HPS5: variants seen among roughly 807,000 people sequenced by gnomAD.
HPS5 encodes the protein BLOC-2 complex member HPS5.
Under a neutral mutation model 128.0 loss-of-function variants are expected in HPS5, and 83 were observed. That is an observed-to-expected ratio of 0.65 (90% CI 0.54 to 0.78). The LOEUF is 0.78. Among genes scored for constraint, HPS5 ranks in the 30% least tolerant of loss-of-function variants. HPS5 has a pLI of 0.00. For missense variants in HPS5, 1,281 were observed against 1,326.2 expected (o/e 0.97, Z 0.53); for synonymous variants, 475 against 470.2 (o/e 1.01, Z -0.13).
In HPS5 at chr11:18,305,087, T is replaced by C. The variant is rs556138761; in HGVS notation, c.896+335A>G. On this transcript the variant is annotated intron_variant, in intron 8 of 22. Coordinates refer to ENST00000349215, the MANE Select transcript of HPS5 (RefSeq NM_181507.2). ...CCTGCTTGCTAAAAACACATACATC[T>C]GTGTGGCAGATTTTGATCTGGGACT... is the stretch of plus-strand genomic sequence containing the variant. 2.0e-5 allele frequency among the ~76,000 whole-genome samples: 3 copies of C among 152,366 alleles called. 1 individual carries two copies. The South Asian group carries it at 6.2e-4, about 32-fold the overall frequency.
chr11:18,285,154 A>T (rs1223135304), intron 20 of HPS5, among the ~76,000 whole-genome samples, 192 bp downstream of exon 20: 1 of 152,028 alleles, frequency 6.6e-6, no homozygotes, highest in African/African-American at 2.4e-5. Flanking sequence ...AAAAAAAAAA[A>T]AAAAGAAAAA....
At position 18,287,645 on chromosome 11, in the gene HPS5, CTTGA is replaced by C. The variant is rs753927729; in HGVS notation, c.2603_2606del (p.Ile868SerfsTer26). 2.5e-6 allele frequency: 4 copies of C among 1,614,030 alleles called. No homozygotes were observed. The East Asian group carries it at 6.7e-5, about 27-fold the overall frequency. ...CCGATGGCAAAATGGATGGAAAGAA[CTTGA>C]TTAAGGATCGAAGAGCAGACTCCCC... On this transcript the variant is annotated frameshift_variant, in exon 18 of 23. Transcript: ENST00000349215. LOFTEE classifies it high-confidence loss of function.
chr11:18,287,465 C>A (rs1206399969), intron 18 of HPS5, 70 bp downstream of exon 18: 2 of 1,533,442 alleles, frequency 1.3e-6, no homozygotes, highest in South Asian at 1.1e-5. Context: ...CAATGTGACA[C>A]CTGCTTATAA....
chr11:18,298,689 AC>A, intron 10 of HPS5, 102 bp downstream of exon 10: 1 of 1,128,610 alleles, frequency 8.9e-7, no homozygotes, highest in Non-Finnish European at 1.3e-6. Context: ...TGTAGGTCAC[AC>A]AGACAGGGTT....
In HPS5 at chr11:18,286,649, C is replaced by T; in HGVS notation, c.2779G>A (p.Ala927Thr). 1 of 1,613,984 alleles carries T rather than the reference C, an allele frequency of 6.2e-7. No individual in the cohort carries two copies. The highest frequency in any genetic ancestry group is 2.2e-5 in the East Asian group (1 of 44,882). Residue 927 changes from alanine (A) to threonine (T), a missense_variant, in exon 19 of 23, where the codon GCA becomes ACA. By Grantham distance (58) the Ala-to-Thr change is moderately conservative. Transcript: ENST00000349215. ...ESLRLDWLLL[A>T]VSLDAPPSTS... Reference sequence around the variant, plus strand: ...CTTGGTGGAGCATCAAGGGACACTGCCAAAAGCAGCCAATCCAACCTTAAA... The same window carrying T: ...CTTGGTGGAGCATCAAGGGACACTGTCAAAAGCAGCCAATCCAACCTTAAA...
rs1488691820 is a variant in HPS5, at chr11:18,291,900, T to C, written c.1982A>G (p.Asp661Gly). Residue 661 changes from aspartate (D) to glycine (G), a missense_variant, in exon 16 of 23, where the codon GAT (aspartate) becomes GGT (glycine). By Grantham distance (94) the Asp-to-Gly change is moderately conservative. Transcript: ENST00000349215. ...FAMKDFSGVSDTDNSSMKLNQ... is the reference protein window; with the variant it reads ...FAMKDFSGVSGTDNSSMKLNQ... ...CAATTTCATGGATGAGTTGTCAGTA[T>C]CTGAAACACCTGAAAAGTCCTTCAT... 1 of 1,608,476 alleles carries C rather than the reference T, an allele frequency of 6.2e-7. No homozygotes were observed. The highest frequency in any genetic ancestry group is 8.5e-7 in the Non-Finnish European group (1 of 1,177,648).
chr11:18,298,534 C>A (rs900898809), intron 10 of HPS5, among the ~76,000 whole-genome samples: 2 of 152,024 alleles, frequency 1.3e-5, no homozygotes, highest in African/African-American at 4.8e-5. Flanking sequence ...TTACCATATA[C>A]GCAATTATCC....
rs375093519 is a variant in HPS5, at chr11:18,297,718, C to T, written c.1165-1G>A. On this transcript the variant is annotated splice_acceptor_variant, in intron 10 of 22. Coordinates refer to ENST00000349215, the MANE Select transcript of HPS5 (RefSeq NM_181507.2). LOFTEE classifies it high-confidence loss of function. ...TATCTGCAGTCAAAGTTTTTCTTGC[C>T]TAATAAAACAACAGCGCAATGGAAT... 3 of 1,613,476 alleles carry T rather than the reference C, an allele frequency of 1.9e-6. No individual in the cohort carries two copies. The highest frequency in any genetic ancestry group is 2.5e-6 in the Non-Finnish European group (3 of 1,179,642).
chr11:18,291,788 A>G lies in HPS5; in HGVS notation c.2094T>C (p.Asn698=), dbSNP rs369632197. ...ATGCTGTTTTATCAACAGATTCTTC[A>G]TTGCCTAAAGAGTCCCTTTTTTCTT... is the stretch of plus-strand genomic sequence containing the variant. ...NEKEKRDSLG[N]EESVDKTACE... is the part of the protein sequence containing the mutation. Residue 698 remains asparagine, a synonymous_variant, in exon 16 of 23, where the codon AAT becomes AAC. Transcript: ENST00000349215. The G allele has an allele frequency of 7.2e-5, 117 of 1,613,914 alleles. 1 individual carries two copies. Among genetic ancestry groups the G allele is most frequent in the Non-Finnish European group, 9.4e-5 (111 of 1,179,936 alleles).
At position 18,298,928 on chromosome 11, in the gene HPS5, A is replaced by C. The variant is rs559876350; in HGVS notation, c.1028T>G (p.Leu343Trp). ...VAVCRNELFCLHLNGKVSHLS... is the reference protein window; with the variant it reads ...VAVCRNELFCWHLNGKVSHLS... ...ATGTGAGACTTTCCCATTTAGGTGCAAACAGAACAATTCATTCCTACAGAC... is the reference window on the plus strand; with the variant it reads ...ATGTGAGACTTTCCCATTTAGGTGCCAACAGAACAATTCATTCCTACAGAC... The change falls in exon 10 of 23, where the codon TTG (leucine) becomes TGG (tryptophan). Residue 343 changes from leucine to tryptophan, a missense_variant. Transcript: ENST00000349215. 1 of 1,614,136 alleles carries C rather than the reference A, an allele frequency of 6.2e-7. No individual in the cohort carries two copies. Among genetic ancestry groups the C allele is most frequent in the African/African-American group, 1.3e-5 (1 of 74,942 alleles).
chr11:18,300,095 T>C (rs1861521972), intron 9 of HPS5, among the ~76,000 whole-genome samples: 1 of 152,174 alleles, frequency 6.6e-6, no homozygotes, highest in Non-Finnish European at 1.5e-5. Context: ...AATAATAATG[T>C]CTGTTTTCAA....
intron 8 of HPS5, among the ~76,000 whole-genome samples, chr11:18,303,158 C>T (rs1413340857): frequency 1.3e-5 from 2 of 152,114 alleles, no homozygotes; most frequent in African/African-American, 2.4e-5. Context: ...GCACAGTGTA[C>T]GAATGAAAAA....
chr11:18,289,393 C>T (rs1435024341), intron 16 of HPS5, among the ~76,000 whole-genome samples: 5 of 152,176 alleles, frequency 3.3e-5, no homozygotes, highest in Non-Finnish European at 4.4e-5. Context: ...CTAGCCAGCA[C>T]TGGTAGTAAC....
chr11:18,298,776 G>A lies in HPS5; in HGVS notation c.1164+16C>T, dbSNP rs764184847. 13 of 1,613,214 alleles carry A rather than the reference G, an allele frequency of 8.1e-6. No individual in the cohort carries two copies. The highest frequency in any genetic ancestry group is 3.3e-4 in the Middle Eastern group (2 of 6,078). ...ACCAATCCATGGTAAAGATGTCTAG[G>A]TAAGCTCTGACTCACTCTGCTGGCA... On this transcript the variant is annotated intron_variant, in intron 10 of 22. Coordinates refer to ENST00000349215, the MANE Select transcript of HPS5 (RefSeq NM_181507.2).
In HPS5 at chr11:18,285,463, T is replaced by C. The variant is rs771147631; in HGVS notation, c.2838-4A>G. 5 of 1,579,254 alleles carry C rather than the reference T, an allele frequency of 3.2e-6. No individual in the cohort carries two copies. Among genetic ancestry groups the C allele is most frequent in the South Asian group, 1.1e-5 (1 of 90,324 alleles). On this transcript the variant is annotated splice_region_variant and splice_polypyrimidine_tract_variant and intron_variant, in intron 19 of 22. Transcript: ENST00000349215. Reference sequence around the variant, plus strand: ...GGAAAGCAAGTGTGAATGAGGCCTATGAAATGAAAAGGAATCAGTAAATTA... The same window carrying C: ...GGAAAGCAAGTGTGAATGAGGCCTACGAAATGAAAAGGAATCAGTAAATTA...
intron 16 of HPS5, among the ~76,000 whole-genome samples, chr11:18,289,045 A>G (rs1448113561): frequency 6.6e-6 from 1 of 152,162 alleles, no homozygotes; most frequent in African/African-American, 2.4e-5. Context: ...TAAGCTGGGC[A>G]AGTATTTTTC....
chr11:18,311,430 C>T lies in HPS5; in HGVS notation c.241G>A (p.Ala81Thr), dbSNP rs147053126. The change falls in exon 4 of 23, where the codon GCC (alanine) becomes ACC (threonine). Residue 81 changes from alanine to threonine, a missense_variant. Ala to Thr is a moderately conservative substitution (Grantham distance 58, BLOSUM62 0). Coordinates refer to ENST00000349215, the MANE Select transcript of HPS5 (RefSeq NM_181507.2). ...SHREGAISQV[A>T]CCLHDDDYVA... is the part of the protein sequence containing the mutation. Reference sequence around the variant, plus strand: ...TAATCATCATCATGTAAACAACAGGCGACTTGAGAAATTGCACCTTCCTAG... The same window carrying T: ...TAATCATCATCATGTAAACAACAGGTGACTTGAGAAATTGCACCTTCCTAG... 3,603 of 1,608,378 alleles carry T rather than the reference C, an allele frequency of 2.2e-3. 6 individuals carry two copies. The highest frequency in any genetic ancestry group is 3.3e-3 in the South Asian group (295 of 90,666).
chr11:18,311,511 ATT>A (rs11376847), intron 3 of HPS5, 60 bp from the exon 4 acceptor site: 643 of 529,134 alleles, frequency 1.2e-3, no homozygotes, highest in South Asian at 1.6e-3. Context: ...TATTATTATT[ATT>A]TTTTTTTTTT....
chr11:18,280,662 T>C (rs963515094), intron 22 of HPS5: 1 of 672,506 alleles, frequency 1.5e-6, no homozygotes, highest in Non-Finnish European at 2.7e-6. Context: ...GATGAATGGA[T>C]AAACAAAAGG....
Sources: gnomAD v4.1 joint callset for allele counts (sites outside exome capture counted in the v4.1 genomes callset) on GRCh38, gnomAD v4.1.1 for gene constraint, MANE v1.5 for transcripts, NCBI Gene and HGNC (gene_info 2026-07-23, HGNC 2026-07-21) for gene names.